The following KDM4C variants were observed in gnomAD, a reference collection of about 807,000 sequenced individuals.
KDM4C encodes lysine demethylase 4C.
KDM4C carries 81 observed loss-of-function variants against 129.3 expected under a neutral mutation model. The observed-to-expected ratio is 0.63, with a 90% CI of 0.52 to 0.75. The LOEUF is 0.75. Ranked by LOEUF, KDM4C falls within the 30% of genes least tolerant of loss-of-function variation. The probability of loss-of-function intolerance (pLI) is 0.00; values close to 1 mark genes in which losing one functional copy is unlikely to be tolerated. For missense variants in KDM4C, 1,457 were observed against 1,304.0 expected (o/e 1.12, Z -1.81); for synonymous variants, 573 against 456.1 (o/e 1.26, Z -3.26).
At chr9:6,977,237 T>C (rs1176310104) in intron 8 of KDM4C, among the ~76,000 whole-genome samples, 3 of 152,240 alleles carry the variant, frequency 2.0e-5, no homozygotes, top group Admixed American at 1.3e-4. Flanking sequence ...CTAATTGATC[T>C]TCTACATTGG....
intron 8 of KDM4C, among the ~76,000 whole-genome samples, chr9:6,957,231 C>T (rs1258856785): frequency 6.6e-6 from 1 of 152,192 alleles, no homozygotes; most frequent in African/African-American, 2.4e-5. Flanking sequence ...AGATTATGTT[C>T]TGCATAATGC....
chr9:6,928,455 G>A (rs1000348334), intron 8 of KDM4C, among the ~76,000 whole-genome samples: 1 of 152,178 alleles, frequency 6.6e-6, no homozygotes, highest in Admixed American at 6.5e-5. Context: ...CTGCTTGCCT[G>A]GTTAGACCCT....
At position 6,790,052 on chromosome 9, in the gene KDM4C, A is replaced by C. The variant is rs184429164; in HGVS notation, c.-17-2920A>C. 5.2e-3 allele frequency among the ~76,000 whole-genome samples: 748 copies of C among 144,276 alleles called. 4 individuals are homozygous for C. The highest frequency in any genetic ancestry group is 0.018 in the African/African-American group (704 of 39,922). 94.7% of individuals were successfully genotyped at this position (144,276 alleles called of 152,430 possible). Reference sequence around the variant, plus strand: ...ACTTTGGGAGGCCGAGGCGGGTGGGATCGCCTGAGGTCAGGAGTTTGAGAT... The same window carrying C: ...ACTTTGGGAGGCCGAGGCGGGTGGGCTCGCCTGAGGTCAGGAGTTTGAGAT... On this transcript the variant is annotated intron_variant, in intron 1 of 21. Transcript: ENST00000381309.
intron 8 of KDM4C, among the ~76,000 whole-genome samples, chr9:6,939,441 A>T (rs1039275519): frequency 2.0e-5 from 3 of 152,120 alleles, no homozygotes; most frequent in Non-Finnish European, 4.4e-5. Flanking sequence ...TATATATTAC[A>T]GTGTAATAAT....
At chr9:7,089,299 G>A (rs1835512605) in intron 17 of KDM4C, among the ~76,000 whole-genome samples, 1 of 152,120 alleles carries the variant, frequency 6.6e-6, no homozygotes, top group African/African-American at 2.4e-5. Context: ...CATAGCACAT[G>A]TAAGGGAAAA....
At chr9:6,876,261 G>T (rs540839226) in intron 5 of KDM4C, among the ~76,000 whole-genome samples, 1 of 152,118 alleles carries the variant, frequency 6.6e-6, no homozygotes, top group African/African-American at 2.4e-5. Flanking sequence ...TAGCCAAAAG[G>T]CCGAGAAGTG....
At chr9:7,002,363 A>C (rs569713627) in intron 12 of KDM4C, among the ~76,000 whole-genome samples, 28 of 152,220 alleles carry the variant, frequency 1.8e-4, no homozygotes, top group African/African-American at 6.8e-4. Flanking sequence ...ATGGGGTACA[A>C]AATGGTGTTA....
At chr9:6,944,656 T>TTTTTTTTTTTTG (rs1826576112) in intron 8 of KDM4C, among the ~76,000 whole-genome samples, 2 of 140,034 alleles carry the variant, frequency 1.4e-5, no homozygotes, top group African/African-American at 5.2e-5. Flanking sequence ...GTAGAGGTTT[T>TTTTTTTTTTTTG]TTTTTTTTTT....
intron 2 of KDM4C, among the ~76,000 whole-genome samples, chr9:6,798,420 G>C (rs1168548214): frequency 1.3e-5 from 2 of 152,036 alleles, no homozygotes; most frequent in Non-Finnish European, 1.5e-5. Flanking sequence ...GGGTACTTGA[G>C]ATTATGGAGT....
At chr9:6,957,024 A>G (rs12335500) in intron 8 of KDM4C, among the ~76,000 whole-genome samples, 19,892 of 152,118 alleles carry the variant, frequency 0.13, 3,173 homozygotes, top group African/African-American at 0.38. Flanking sequence ...TTTGGTTACG[A>G]TGGACAAGGG....
intron 8 of KDM4C, among the ~76,000 whole-genome samples, chr9:6,893,871 TGTGGTGTTAAATAGA>T (rs1397226743): frequency 6.6e-6 from 1 of 152,206 alleles, no homozygotes; most frequent in Non-Finnish European, 1.5e-5. Flanking sequence ...ACTTTCCCCC[TGTGGTGTTAAATAGA>T]AGACATCTTC....
chr9:7,105,617 A>G, intron 18 of KDM4C: 1 of 372,132 alleles, frequency 2.7e-6, no homozygotes, highest in South Asian at 2.0e-5. Flanking sequence ...ATGCCTTTTT[A>G]GCTCATACTC....
chr9:6,741,639 C>G (rs1012294750), intron 1 of KDM4C, among the ~76,000 whole-genome samples: 6 of 145,628 alleles, frequency 4.1e-5, no homozygotes, highest in Non-Finnish European at 9.0e-5. Flanking sequence ...ATCTTTATTC[C>G]TGAAGAATAT....
rs575274709 is a variant in KDM4C at position 6,856,502 on chromosome 9, G to A, written c.629+6802G>A. Among the ~76,000 whole-genome samples, 6 of 150,528 alleles carry A rather than the reference G, an allele frequency of 4.0e-5. No individual in the cohort carries two copies. In the South Asian group the frequency reaches 1.3e-3, roughly 32 times the overall value. On this transcript the variant is annotated intron_variant, in intron 5 of 21. Coordinates refer to ENST00000381309, the MANE Select transcript of KDM4C (RefSeq NM_015061.6). ...TGAAGTAATAAAATTAACCGCATAG[G>A]TTATTGATTAGTTTTAGGCATATCT...
intron 19 of KDM4C, among the ~76,000 whole-genome samples, chr9:7,161,250 C>T (rs1329937610): frequency 6.6e-6 from 1 of 152,200 alleles, no homozygotes; most frequent in Non-Finnish European, 1.5e-5. Context: ...CTTCCCTTGG[C>T]TAGGAATTGG....
intron 12 of KDM4C, among the ~76,000 whole-genome samples, chr9:7,004,462 C>T (rs1821288788): frequency 1.3e-5 from 2 of 152,114 alleles, no homozygotes; most frequent in African/African-American, 4.8e-5. Context: ...TGGTTTTGTG[C>T]TCCCATTTTT....
At chr9:6,859,634 G>A (rs1840565967) in intron 5 of KDM4C, among the ~76,000 whole-genome samples, 2 of 150,488 alleles carry the variant, frequency 1.3e-5, no homozygotes, top group African/African-American at 2.4e-5. Context: ...AGGCCCAGGC[G>A]GGCAGATCGC....
At chr9:6,995,694 T>C (rs1374945228) in intron 12 of KDM4C, among the ~76,000 whole-genome samples, 1 of 152,080 alleles carries the variant, frequency 6.6e-6, no homozygotes, top group Non-Finnish European at 1.5e-5. Flanking sequence ...TTTTTTGAGA[T>C]GGCGTCTCGC....
intron 12 of KDM4C, among the ~76,000 whole-genome samples, chr9:7,002,930 G>A (rs576175016): frequency 3.3e-5 from 5 of 152,260 alleles, no homozygotes; most frequent in Admixed American, 2.0e-4. Context: ...GCACGATCTC[G>A]GCTCACTGCA....
Sources: allele counts gnomAD v4.1 joint callset (sites outside exome capture counted in the v4.1 genomes callset), GRCh38; gene constraint gnomAD v4.1.1; transcripts MANE v1.5; gene names NCBI Gene and HGNC (gene_info 2026-07-23, HGNC 2026-07-21).